Variants in MAF observed in about 807,000 individuals in gnomAD.
The protein encoded by MAF is transcription factor Maf.
MAF carries 10 observed loss-of-function variants against 22.0 expected under a neutral mutation model. That is an observed-to-expected ratio of 0.45 (90% confidence interval 0.28 to 0.77). MAF has a LOEUF of 0.77. Among genes scored for constraint, MAF ranks in the 30% least tolerant of loss-of-function variants. The pLI, the probability that MAF is intolerant of heterozygous loss-of-function variation, is 0.12. For synonymous variants in MAF, 337 were observed against 255.8 expected, an observed-to-expected ratio of 1.32 and a Z score of -3.03; for missense variants, 544 against 548.4, an observed-to-expected ratio of 0.99 and a Z score of 0.08.
chr16:79,212,401 T>G, the MAF span: 1 of 433,970 alleles, frequency 2.3e-6, no homozygotes, highest in Non-Finnish European at 4.1e-6. Context: ...AAAGTACTTG[T>G]CATAGACTCC....
chr16:79,238,508 A>G, the MAF span, among the ~76,000 whole-genome samples: 1 of 151,894 alleles, frequency 6.6e-6, no homozygotes, highest in Non-Finnish European at 1.5e-5. Flanking sequence ...AAAACATAAC[A>G]CTCACTTAGT....
the MAF span, among the ~76,000 whole-genome samples, chr16:79,282,702 T>C: frequency 2.6e-5 from 4 of 152,196 alleles, no homozygotes; most frequent in Non-Finnish European, 4.4e-5. Context: ...CAATCAAAAC[T>C]GTAAGTAGAT....
At chr16:79,463,314 T>A in the MAF span, among the ~76,000 whole-genome samples, 2 of 152,212 alleles carry the variant, frequency 1.3e-5, no homozygotes, top group Admixed American at 6.5e-5. Context: ...AGTCACATAA[T>A]GACATGACCT....
chr16:79,434,515 T>G, the MAF span, among the ~76,000 whole-genome samples: 1 of 152,142 alleles, frequency 6.6e-6, no homozygotes, highest in East Asian at 1.9e-4. Flanking sequence ...TGATGTGAGC[T>G]CCCATTGGCT....
chr16:79,372,066 A>ATTTT, the MAF span, among the ~76,000 whole-genome samples: 50 of 132,430 alleles, frequency 3.8e-4, no homozygotes, highest in African/African-American at 1.3e-3. Context: ...AGGGAGAGGA[A>ATTTT]TTTTTTTTTT....
the MAF span, among the ~76,000 whole-genome samples, chr16:79,368,813 G>C: frequency 6.6e-6 from 1 of 152,138 alleles, no homozygotes; most frequent in Admixed American, 6.5e-5. Context: ...TTGCTCAAAG[G>C]TCAGCTTCCC....
the MAF span, among the ~76,000 whole-genome samples, chr16:79,260,610 A>T: frequency 9.5e-4 from 145 of 152,356 alleles, no homozygotes; most frequent in Middle Eastern, 6.8e-3. Flanking sequence ...ACACATAGTA[A>T]TTACTCAACA....
At chr16:79,456,474 T>G in the MAF span, among the ~76,000 whole-genome samples, 4 of 152,298 alleles carry the variant, frequency 2.6e-5, 1 homozygote, top group Admixed American at 2.6e-4. Context: ...GGGGTCCACA[T>G]AATCCAGTGG....
At chr16:79,595,605 G>A (rs951836450) in intron 1 of MAF, 1 of 1,058,904 alleles carries the variant, frequency 9.4e-7, no homozygotes, top group South Asian at 4.6e-5. Context: ...GCGCTTAGGA[G>A]TCCTACTAGT....
chr16:79,490,785 T>G, the MAF span, among the ~76,000 whole-genome samples: 2 of 152,198 alleles, frequency 1.3e-5, no homozygotes, highest in East Asian at 3.9e-4. Context: ...GTGACCATAA[T>G]GCAGTGAAGG....
the MAF span, among the ~76,000 whole-genome samples, chr16:79,279,738 C>A: frequency 2.8e-4 from 42 of 152,262 alleles, no homozygotes; most frequent in African/African-American, 8.7e-4. Flanking sequence ...ACCTCCAAGC[C>A]TGGGATTCAT....
chr16:79,378,054 A>G, the MAF span, among the ~76,000 whole-genome samples: 4 of 152,172 alleles, frequency 2.6e-5, no homozygotes, highest in Non-Finnish European at 5.9e-5. Context: ...GGTTTTCCCA[A>G]TTCTGTGGAG....
the MAF span, among the ~76,000 whole-genome samples, chr16:79,372,216 A>C: frequency 2.4e-4 from 36 of 152,182 alleles, no homozygotes; most frequent in South Asian, 2.7e-3. Context: ...CAGGTCACAG[A>C]ATTAGTAGCA....
chr16:79,473,418 G>A, the MAF span, among the ~76,000 whole-genome samples: 3 of 152,332 alleles, frequency 2.0e-5, no homozygotes, highest in African/African-American at 7.2e-5. Flanking sequence ...GCCTCTTGCA[G>A]CAGGAAGGAC....
the MAF span, among the ~76,000 whole-genome samples, chr16:79,210,344 G>A: frequency 6.6e-6 from 1 of 152,130 alleles, no homozygotes; most frequent in African/African-American, 2.4e-5. Context: ...CTCTCCCAGG[G>A]ATCCTAGAAT....
chr16:79,474,942 A>C, the MAF span, among the ~76,000 whole-genome samples: 3 of 152,246 alleles, frequency 2.0e-5, no homozygotes, highest in African/African-American at 7.2e-5. Flanking sequence ...AAATGTGTGC[A>C]TTAATCCAAC....
chr16:79,287,081 A>C, the MAF span, among the ~76,000 whole-genome samples: 1 of 150,650 alleles, frequency 6.6e-6, no homozygotes, highest in African/African-American at 2.4e-5. Flanking sequence ...CGAACATTCC[A>C]GAATCAGCTT....
the MAF span, among the ~76,000 whole-genome samples, chr16:79,449,449 G>T: frequency 6.6e-6 from 1 of 152,256 alleles, no homozygotes; most frequent in Non-Finnish European, 1.5e-5. Context: ...ATAGCTGTGC[G>T]GTGTGCTTGT....
the MAF span, among the ~76,000 whole-genome samples, chr16:79,312,924 T>C: frequency 5.3e-5 from 8 of 152,168 alleles, no homozygotes; most frequent in African/African-American, 1.9e-4. Context: ...CCTGATAATA[T>C]AAGACTTACG....
Sources: allele counts gnomAD v4.1 joint callset (sites outside exome capture counted in the v4.1 genomes callset), GRCh38; gene constraint gnomAD v4.1.1; transcripts MANE v1.5; gene names NCBI Gene and HGNC (gene_info 2026-07-23, HGNC 2026-07-21).